FGF12: variants seen among roughly 807,000 people sequenced by gnomAD.
FGF12 encodes fibroblast growth factor 12B.
A neutral mutation model predicts 23.6 loss-of-function variants in FGF12; 14 were observed. That is an observed-to-expected ratio of 0.59 (90% CI 0.39 to 0.93). The LOEUF (loss-of-function observed/expected upper bound fraction) is 0.93, where lower values mean the gene tolerates loss of function less well. Ranked by LOEUF, FGF12 falls within the 40% of genes least tolerant of loss-of-function variation. The pLI, the probability that FGF12 is intolerant of heterozygous loss-of-function variation, is 0.00. For synonymous variants in FGF12, 62 were observed against 77.3 expected, an observed-to-expected ratio of 0.80 and a Z score of 1.04; for missense variants, 175 against 217.8, an observed-to-expected ratio of 0.80 and a Z score of 1.24.
chr3:192,210,848 G>A (rs141259762), intron 4 of FGF12, among the ~76,000 whole-genome samples: 67 of 152,198 alleles, frequency 4.4e-4, no homozygotes, highest in South Asian at 8.3e-4. Context: ...ATTTTAAGAA[G>A]TTCATAAATT....
intron 2 of FGF12, among the ~76,000 whole-genome samples, chr3:192,545,169 G>C (rs901424799): frequency 2.6e-5 from 4 of 152,148 alleles, no homozygotes; most frequent in Non-Finnish European, 2.9e-5. Context: ...ACTGCCTGGG[G>C]AATCAAATAC....
intron 2 of FGF12, among the ~76,000 whole-genome samples, chr3:192,664,778 C>G (rs1266319784): frequency 1.3e-5 from 2 of 151,822 alleles, no homozygotes; most frequent in African/African-American, 4.8e-5. Flanking sequence ...ACAACAACTA[C>G]AACAAAAAGT....
At position 192,411,324 on chromosome 3, in the gene FGF12, A is replaced by G. The variant is rs559495637; in HGVS notation, c.14-50786T>C. Among the ~76,000 whole-genome samples the G allele has an allele frequency of 5.9e-5, 9 of 152,360 alleles. No homozygotes were observed. The East Asian group carries it at 1.7e-3, about 29-fold the overall frequency. The stretch of plus-strand genomic sequence containing the variant: ...AGCAGAGGCTGGCAGATAGAGGCTC[A>G]TGGGACAAACAGCTGGGAGGAGGAT... On this transcript the variant is annotated intron_variant, in intron 2 of 5. Transcript: ENST00000445105.
At chr3:192,248,703 C>T (rs749190330) in intron 4 of FGF12, among the ~76,000 whole-genome samples, 11 of 152,086 alleles carry the variant, frequency 7.2e-5, no homozygotes, top group Non-Finnish European at 1.0e-4. Flanking sequence ...ACTTCTGCCC[C>T]GGGGGGATCC....
chr3:192,247,465 T>A (rs1233002604), intron 4 of FGF12, among the ~76,000 whole-genome samples: 1 of 152,136 alleles, frequency 6.6e-6, no homozygotes, highest in Non-Finnish European at 1.5e-5. Context: ...CACCTCACAA[T>A]CATGAATACA....
At chr3:192,662,306 C>T (rs58586545) in intron 2 of FGF12, among the ~76,000 whole-genome samples, 5,061 of 152,280 alleles carry the variant, frequency 0.033, 188 homozygotes, top group East Asian at 0.12. Context: ...GGTAGCTGAA[C>T]ACTTCCTGTA....
rs553246462 is a variant in FGF12 at position 192,613,541 on chromosome 3, A to T, written c.13+113640T>A. ...CATGTAATAAATAAATCGTCCAATA[A>T]AGGACTCTTCTGTGGAACAAATGCT... On this transcript the variant is annotated intron_variant, in intron 2 of 5. Coordinates refer to ENST00000445105, the MANE Select transcript of FGF12 (RefSeq NM_004113.6). Among the ~76,000 whole-genome samples, 39 of 152,086 alleles carry T rather than the reference A, an allele frequency of 2.6e-4. 1 individual carries two copies. The South Asian group carries it at 4.3e-3, about 17-fold the overall frequency.
chr3:192,245,266 ATTTTG>A (rs142175371), intron 4 of FGF12, among the ~76,000 whole-genome samples: 9,072 of 151,602 alleles, frequency 0.06, 297 homozygotes, highest in South Asian at 0.08. Context: ...CGGCAATTTT[ATTTTG>A]TTTTATTTAT....
intron 4 of FGF12, among the ~76,000 whole-genome samples, chr3:192,202,547 G>A (rs1033377245): frequency 1.3e-5 from 2 of 151,872 alleles, no homozygotes; most frequent in Non-Finnish European, 2.9e-5. Context: ...TAAGCTGGAA[G>A]CTTTTATTTT....
At chr3:192,444,407 C>T (rs1049951034) in intron 2 of FGF12, among the ~76,000 whole-genome samples, 1 of 150,274 alleles carries the variant, frequency 6.7e-6, no homozygotes, top group East Asian at 1.9e-4. Flanking sequence ...TTGTTTGTTC[C>T]TTTTGTCTTT....
intron 3 of FGF12, among the ~76,000 whole-genome samples, chr3:192,359,791 T>A (rs1000835301): frequency 6.6e-6 from 1 of 150,428 alleles, no homozygotes; most frequent in Non-Finnish European, 1.5e-5. Flanking sequence ...GCATTTTTAT[T>A]TCCCCCCCCA....
intron 2 of FGF12, among the ~76,000 whole-genome samples, chr3:192,615,100 C>T (rs569494123): frequency 6.6e-6 from 1 of 152,048 alleles, no homozygotes; most frequent in South Asian, 2.1e-4. Context: ...AGATGCAGAG[C>T]CCCTGGGACA....
chr3:192,311,326 T>C (rs78737963), intron 4 of FGF12, among the ~76,000 whole-genome samples: 5,695 of 152,190 alleles, frequency 0.037, 341 homozygotes, highest in African/African-American at 0.13. Context: ...CCCCATTCAG[T>C]GCTATACAAC....
At chr3:192,289,307 A>G (rs1714630595) in intron 4 of FGF12, among the ~76,000 whole-genome samples, 1 of 152,178 alleles carries the variant, frequency 6.6e-6, no homozygotes, top group Non-Finnish European at 1.5e-5. Flanking sequence ...GAATGAGTCC[A>G]TCAGTGCCTA....
At chr3:192,322,503 G>GACAC (rs3071843) in intron 4 of FGF12, among the ~76,000 whole-genome samples, 3 of 149,196 alleles carry the variant, frequency 2.0e-5, no homozygotes, top group African/African-American at 7.3e-5. Context: ...ACCACACGCA[G>GACAC]ACACACACAC....
chr3:192,567,801 CT>C (rs1378514412), intron 2 of FGF12, among the ~76,000 whole-genome samples: 1 of 103,988 alleles, frequency 9.6e-6, no homozygotes, highest in African/African-American at 3.6e-5. Flanking sequence ...TTCTTTCTTT[CT>C]CTTTCTTTCT....
At chr3:192,521,639 A>T (rs560562434) in intron 2 of FGF12, among the ~76,000 whole-genome samples, 2 of 152,212 alleles carry the variant, frequency 1.3e-5, no homozygotes, top group African/African-American at 4.8e-5. Flanking sequence ...CCTATAAATT[A>T]TACACATTTC....
intron 2 of FGF12, among the ~76,000 whole-genome samples, chr3:192,717,523 T>C (rs183283055): frequency 2.4e-4 from 36 of 152,326 alleles, no homozygotes; most frequent in African/African-American, 8.7e-4. Flanking sequence ...AGAGCTTTTT[T>C]AAGTTTAGCT....
At chr3:192,170,731 A>C (rs1715511219) in intron 4 of FGF12, 75 bp from the exon 5 acceptor site, 2 of 1,283,014 alleles carry the variant, frequency 1.6e-6, no homozygotes, top group Admixed American at 4.2e-5. Flanking sequence ...TAAATCCAAT[A>C]AGCTTGAAAT....
Sources: gnomAD v4.1 joint callset for allele counts (sites outside exome capture counted in the v4.1 genomes callset) on GRCh38, gnomAD v4.1.1 for gene constraint, MANE v1.5 for transcripts, NCBI Gene and HGNC (gene_info 2026-07-23, HGNC 2026-07-21) for gene names.